Variants in NELL2 observed in about 807,000 individuals in gnomAD.
NELL2 encodes the protein protein kinase C-binding protein NELL2.
NELL2 carries 41 observed loss-of-function variants against 109.6 expected under a neutral mutation model. The observed-to-expected ratio is 0.37, with a 90% CI of 0.29 to 0.49. NELL2 has a LOEUF of 0.49. Among genes scored for constraint, NELL2 ranks in the 20% least tolerant of loss-of-function variants. The pLI is 0.98. For synonymous variants in NELL2, 355 were observed against 344.7 expected (o/e 1.03, Z -0.33); for missense variants, 900 against 1,008.3 (o/e 0.89, Z 1.45).
chr12:44,849,988 T>C (rs565013824), intron 2 of NELL2, among the ~76,000 whole-genome samples: 1 of 152,284 alleles, frequency 6.6e-6, no homozygotes, highest in East Asian at 1.9e-4. Flanking sequence ...AGGTGGGAAC[T>C]GACTACAAAG....
intron 13 of NELL2, 61 bp downstream of exon 13, chr12:44,665,423 A>C (rs1359697816): frequency 6.8e-7 from 1 of 1,465,336 alleles, no homozygotes; most frequent in East Asian, 2.4e-5. Flanking sequence ...GAGTCAAAGA[A>C]ATTTTTAAAA....
At chr12:44,817,538 T>A (rs949927797) in intron 2 of NELL2, among the ~76,000 whole-genome samples, 1 of 152,040 alleles carries the variant, frequency 6.6e-6, no homozygotes, top group African/African-American at 2.4e-5. Context: ...GAAGGCTCAA[T>A]AAGTAGATGC....
At chr12:44,869,774 C>T (rs958543675) in intron 2 of NELL2, among the ~76,000 whole-genome samples, 6 of 152,098 alleles carry the variant, frequency 3.9e-5, no homozygotes, top group Admixed American at 3.3e-4. Context: ...TAGTCACATC[C>T]TTGGCTTTCT....
chr12:44,918,423 G>A (rs2136898678), upstream of NELL2, among the ~76,000 whole-genome samples: 1 of 151,694 alleles, frequency 6.6e-6, no homozygotes, highest in African/African-American at 2.4e-5. Context: ...ATAGACTATT[G>A]TCATTTATCT....
At chr12:44,827,358 A>G (rs890669663) in intron 2 of NELL2, among the ~76,000 whole-genome samples, 2 of 150,012 alleles carry the variant, frequency 1.3e-5, no homozygotes, top group East Asian at 3.9e-4. Context: ...ATTTTTTACT[A>G]TAGTCACTCT....
At chr12:44,665,109 G>GA (rs1218779852) in intron 13 of NELL2, among the ~76,000 whole-genome samples, 3 of 151,790 alleles carry the variant, frequency 2.0e-5, no homozygotes, top group East Asian at 1.9e-4. Flanking sequence ...ATCTATCTCT[G>GA]AAAAAAATCA....
rs1275457141 is a variant in NELL2 at position 44,876,259 on chromosome 12, G to GCCCCGCAC, written c.-398_-391dup. On this transcript the variant is annotated 5_prime_UTR_variant, in exon 1 of 20. Coordinates refer to ENST00000429094, the MANE Select transcript of NELL2 (RefSeq NM_001145108.2). ...CCCCAAGAAAGCCCGGGCTGGGGCG[G>GCCCCGCAC]CCCCGCACCCCCCCGTCTTCCCCGC... is the stretch of plus-strand genomic sequence containing the variant. The GCCCCGCAC allele has an allele frequency of 4.1e-5, 48 of 1,160,124 alleles. No homozygotes were observed. Among genetic ancestry groups the GCCCCGCAC allele is most frequent in the Non-Finnish European group, 4.9e-5 (46 of 939,624 alleles). The allele number at this position is 1,160,124 out of a possible 1,614,324, so 71.9% of individuals were successfully genotyped here. A position where few individuals can be genotyped will look rare whatever the true frequency, so the allele number is the denominator to read the frequency against.
chr12:44,875,437 C>T, intron 1 of NELL2, 84 bp from the exon 2 acceptor site: 1 of 1,613,830 alleles, frequency 6.2e-7, no homozygotes, highest in South Asian at 1.1e-5. Flanking sequence ...AGCAAAGAAC[C>T]GCGTTTTCGC....
At chr12:44,528,055 C>G (rs997459462) in intron 16 of NELL2, among the ~76,000 whole-genome samples, 7 of 139,926 alleles carry the variant, frequency 5.0e-5, no homozygotes, top group Non-Finnish European at 1.5e-5. Flanking sequence ...CCGAGATCGC[C>G]TCACTGCACT....
At chr12:44,587,947 A>C (rs182628126) in intron 15 of NELL2, among the ~76,000 whole-genome samples, 3,967 of 152,132 alleles carry the variant, frequency 0.026, 97 homozygotes, top group African/African-American at 0.064. Context: ...GTCAGGAGAT[A>C]GAGACCATCC....
chr12:44,581,023 T>A (rs1019139498), intron 15 of NELL2, among the ~76,000 whole-genome samples: 3 of 152,202 alleles, frequency 2.0e-5, no homozygotes, highest in African/African-American at 7.2e-5. Flanking sequence ...AAATGTAATA[T>A]TTGCATGGGA....
chr12:44,643,543 A>C (rs1219475924), intron 13 of NELL2, among the ~76,000 whole-genome samples: 1 of 152,192 alleles, frequency 6.6e-6, no homozygotes, highest in Non-Finnish European at 1.5e-5. Context: ...CTAAAAAATG[A>C]GATACTGGGG....
At chr12:44,837,530 G>A (rs1418925097) in intron 2 of NELL2, among the ~76,000 whole-genome samples, 1 of 152,150 alleles carries the variant, frequency 6.6e-6, no homozygotes, top group Non-Finnish European at 1.5e-5. Context: ...ACACTACAAT[G>A]GCCAGATGAG....
chr12:44,558,231 T>A (rs554776756), intron 15 of NELL2, among the ~76,000 whole-genome samples: 1 of 152,276 alleles, frequency 6.6e-6, no homozygotes, highest in Non-Finnish European at 1.5e-5. Context: ...ACAAAATGGA[T>A]AATCGATTGA....
intron 13 of NELL2, among the ~76,000 whole-genome samples, chr12:44,621,965 G>C (rs1167330191): frequency 6.6e-6 from 1 of 152,066 alleles, no homozygotes; most frequent in Non-Finnish European, 1.5e-5. Flanking sequence ...CACGCTGTCA[G>C]GGATTGTTAA....
At chr12:44,579,405 T>C (rs575096900) in intron 15 of NELL2, among the ~76,000 whole-genome samples, 1 of 152,308 alleles carries the variant, frequency 6.6e-6, no homozygotes, top group Non-Finnish European at 1.5e-5. Context: ...CCAACAGGCA[T>C]ATAGATAACG....
chr12:44,569,754 C>G (rs1028052622), intron 15 of NELL2, among the ~76,000 whole-genome samples: 6 of 151,196 alleles, frequency 4.0e-5, no homozygotes, highest in Non-Finnish European at 7.4e-5. Flanking sequence ...ACATTTTGAT[C>G]TATGAATTTT....
intron 11 of NELL2, among the ~76,000 whole-genome samples, chr12:44,709,602 A>G (rs1280382726): frequency 2.0e-5 from 3 of 152,194 alleles, no homozygotes; most frequent in South Asian, 2.1e-4. Context: ...GAGCAGCAAT[A>G]GATAGTTTTT....
intron 9 of NELL2, among the ~76,000 whole-genome samples, chr12:44,766,564 A>G (rs1941343264): frequency 6.6e-6 from 1 of 152,240 alleles, no homozygotes. Flanking sequence ...ACAATTACTT[A>G]ACAGCACTGG....
Sources: allele counts gnomAD v4.1 joint callset (sites outside exome capture counted in the v4.1 genomes callset), GRCh38; gene constraint gnomAD v4.1.1; transcripts MANE v1.5; gene names NCBI Gene and HGNC (gene_info 2026-07-23, HGNC 2026-07-21).